The following ARL15 variants were observed in gnomAD, a reference collection of about 807,000 sequenced individuals.
ARL15 encodes the protein ARF like GTPase 15.
In ARL15, 19 loss-of-function variants were observed where a neutral mutation model predicts 25.2. That is an observed-to-expected ratio of 0.75 (90% CI 0.53 to 1.10). ARL15 has a LOEUF of 1.10. Ranked by LOEUF, ARL15 falls within the 50% of genes least tolerant of loss-of-function variation. The pLI, the probability that ARL15 is intolerant of heterozygous loss-of-function variation, is 0.00. For missense variants in ARL15, 220 were observed against 246.0 expected, an observed-to-expected ratio of 0.89 and a Z score of 0.71; for synonymous variants, 94 against 86.8, an observed-to-expected ratio of 1.08 and a Z score of -0.46.
chr5:54,112,947 T>A (rs1300773142), intron 4 of ARL15, among the ~76,000 whole-genome samples: 2 of 152,120 alleles, frequency 1.3e-5, no homozygotes, highest in Non-Finnish European at 2.9e-5. Context: ...TCAAAATAGA[T>A]GAAAAATATA....
chr5:54,212,035 C>T (rs866181453), intron 1 of ARL15, among the ~76,000 whole-genome samples: 3 of 152,048 alleles, frequency 2.0e-5, no homozygotes, highest in African/African-American at 7.2e-5. Context: ...GTGCTTTAAA[C>T]GGCATCACCA....
At chr5:54,200,335 A>C (rs1445316756) in intron 1 of ARL15, among the ~76,000 whole-genome samples, 1 of 151,002 alleles carries the variant, frequency 6.6e-6, no homozygotes, top group Admixed American at 6.6e-5. Context: ...AAATAAATAA[A>C]AAAAATTTAA....
intron 1 of ARL15, among the ~76,000 whole-genome samples, chr5:54,203,054 AG>A (rs1755765654): frequency 2.0e-5 from 3 of 152,056 alleles, no homozygotes; most frequent in African/African-American, 4.8e-5. Flanking sequence ...ACTTATATAA[AG>A]CTCCCAAATT....
At chr5:53,955,187 C>T (rs1747105992) in intron 4 of ARL15, among the ~76,000 whole-genome samples, 1 of 151,140 alleles carries the variant, frequency 6.6e-6, no homozygotes. Flanking sequence ...GACTCTACAC[C>T]CTTCCATTCA....
chr5:53,961,010 C>G (rs1258197412), intron 4 of ARL15, among the ~76,000 whole-genome samples: 1 of 152,132 alleles, frequency 6.6e-6, no homozygotes, highest in Non-Finnish European at 1.5e-5. Flanking sequence ...TGTTAGGGCT[C>G]TAGGCATCTG....
chr5:53,940,177 G>A (rs1746495625), intron 4 of ARL15, among the ~76,000 whole-genome samples: 1 of 152,052 alleles, frequency 6.6e-6, no homozygotes. Context: ...GTTTCACCGT[G>A]TTAGCCAGGA....
At chr5:53,904,986 C>A (rs1332197494) in intron 4 of ARL15, among the ~76,000 whole-genome samples, 1 of 152,122 alleles carries the variant, frequency 6.6e-6, no homozygotes, top group Non-Finnish European at 1.5e-5. Context: ...CCTCAGCCTC[C>A]CAAAGTGCTA....
intron 1 of ARL15, among the ~76,000 whole-genome samples, chr5:54,181,835 G>A (rs1755067586): frequency 6.6e-6 from 1 of 151,294 alleles, no homozygotes; most frequent in South Asian, 2.1e-4. Context: ...TTTAATGATT[G>A]CCATTCTAAC....
intron 4 of ARL15, among the ~76,000 whole-genome samples, chr5:54,004,026 C>G (rs1171619864): frequency 6.6e-6 from 1 of 152,168 alleles, no homozygotes; most frequent in Non-Finnish European, 1.5e-5. Context: ...ACCTTAAAAT[C>G]TCACAAAAGC....
chr5:53,911,162 G>A (rs917796513), intron 4 of ARL15, among the ~76,000 whole-genome samples: 1 of 152,116 alleles, frequency 6.6e-6, no homozygotes, highest in African/African-American at 2.4e-5. Context: ...GTGGACTCCA[G>A]TTTTATCAGA....
chr5:53,950,509 A>G (rs1746909656), intron 4 of ARL15, among the ~76,000 whole-genome samples: 2 of 152,224 alleles, frequency 1.3e-5, no homozygotes, highest in South Asian at 4.1e-4. Context: ...GCTTTTTTTC[A>G]TTTGATTACC....
At chr5:53,957,527 A>G (rs925002159) in intron 4 of ARL15, among the ~76,000 whole-genome samples, 4 of 152,150 alleles carry the variant, frequency 2.6e-5, no homozygotes, top group Non-Finnish European at 4.4e-5. Context: ...AAAGACATAA[A>G]GAATGCCGTT....
intron 1 of ARL15, among the ~76,000 whole-genome samples, chr5:54,173,933 T>G (rs277340): frequency 0.9 from 136,547 of 151,844 alleles, 61,508 homozygotes; most frequent in East Asian, 0.99. Flanking sequence ...CCCCCAATTC[T>G]GGACTTAGCC....
chr5:54,191,311 G>C (rs1755393043), intron 1 of ARL15, among the ~76,000 whole-genome samples: 1 of 152,000 alleles, frequency 6.6e-6, no homozygotes, highest in African/African-American at 2.4e-5. Flanking sequence ...AATAAGGAGG[G>C]GGATACAGGC....
At chr5:53,931,467 G>C (rs1746193039) in intron 4 of ARL15, among the ~76,000 whole-genome samples, 1 of 152,154 alleles carries the variant, frequency 6.6e-6, no homozygotes, top group Non-Finnish European at 1.5e-5. Context: ...CTTACAAATT[G>C]TTAGAAAGCT....
intron 4 of ARL15, among the ~76,000 whole-genome samples, chr5:53,936,963 C>T (rs943553755): frequency 6.6e-6 from 1 of 152,198 alleles, no homozygotes; most frequent in African/African-American, 2.4e-5. Context: ...AACTGTTCCT[C>T]CTTTGCAGGG....
chr5:53,893,575 TCGAGC>T (rs1421411393), intron 4 of ARL15, among the ~76,000 whole-genome samples: 1 of 152,128 alleles, frequency 6.6e-6, no homozygotes, highest in Non-Finnish European at 1.5e-5. Context: ...ACCACTGCAC[TCGAGC>T]CTGGGCGACA....
intron 4 of ARL15, among the ~76,000 whole-genome samples, chr5:53,905,697 A>AT (rs1301158641): frequency 6.6e-6 from 1 of 152,326 alleles, no homozygotes; most frequent in East Asian, 1.9e-4. Flanking sequence ...TACCAAATTC[A>AT]TTTTTCCTTT....
At position 53,884,036 on chromosome 5, in the gene ARL15, T is replaced by G. The variant is rs1744435009; in HGVS notation, c.*2525A>C. 1 of 152,204 alleles carries G rather than the reference T, an allele frequency of 6.6e-6. No individual in the cohort carries two copies. The highest frequency in any genetic ancestry group is 1.5e-5 in the Non-Finnish European group (1 of 68,028). 9.4% of individuals were successfully genotyped at this position (152,204 alleles called of 1,614,324 possible). ...TGGTCTTGCCTGGTAAATGTCCACA[T>G]GAATCTGTTAGCCTCTAAGTACAGG... On this transcript the variant is annotated 3_prime_UTR_variant, in exon 5 of 5. Coordinates refer to ENST00000504924, the MANE Select transcript of ARL15 (RefSeq NM_019087.3).
Sources: allele counts gnomAD v4.1 joint callset (sites outside exome capture counted in the v4.1 genomes callset), GRCh38; gene constraint gnomAD v4.1.1; transcripts MANE v1.5; gene names NCBI Gene and HGNC (gene_info 2026-07-23, HGNC 2026-07-21).